The following VWC2 variants were observed in gnomAD, a reference collection of about 807,000 sequenced individuals.
VWC2 encodes the protein brorin.
Under a neutral mutation model 29.8 loss-of-function variants are expected in VWC2, and 14 were observed. That is an observed-to-expected ratio of 0.47 (90% CI 0.31 to 0.74). The LOEUF (loss-of-function observed/expected upper bound fraction) is 0.74. Ranked by LOEUF, VWC2 falls within the 30% of genes least tolerant of loss-of-function variation. VWC2 has a pLI of 0.05. For synonymous variants in VWC2, 213 were observed against 199.0 expected, an observed-to-expected ratio of 1.07 and a Z score of -0.59; for missense variants, 457 against 459.8, an observed-to-expected ratio of 0.99 and a Z score of 0.05.
At chr7:49,846,764 C>T (rs929235156) in intron 3 of VWC2, among the ~76,000 whole-genome samples, 1 of 152,172 alleles carries the variant, frequency 6.6e-6, no homozygotes, top group African/African-American at 2.4e-5. Flanking sequence ...TCATAATTTC[C>T]TGATATAGGA....
At chr7:49,798,335 T>A (rs1788645973) in intron 2 of VWC2, among the ~76,000 whole-genome samples, 1 of 152,214 alleles carries the variant, frequency 6.6e-6, no homozygotes, top group Admixed American at 6.5e-5. Context: ...GGGATCCAGC[T>A]ATGGGTTGGT....
intron 3 of VWC2, among the ~76,000 whole-genome samples, chr7:49,845,394 A>G (rs916734041): frequency 2.0e-5 from 3 of 152,240 alleles, no homozygotes; most frequent in African/African-American, 7.2e-5. Flanking sequence ...TTTCACACAC[A>G]ATCTATAATT....
At chr7:49,839,696 T>C (rs1405624958) in intron 3 of VWC2, among the ~76,000 whole-genome samples, 2 of 152,104 alleles carry the variant, frequency 1.3e-5, no homozygotes, top group African/African-American at 4.8e-5. Flanking sequence ...GTATGTTGGA[T>C]CCATGCAAGT....
At chr7:49,797,236 G>A (rs1264400293) in intron 2 of VWC2, among the ~76,000 whole-genome samples, 1 of 152,156 alleles carries the variant, frequency 6.6e-6, no homozygotes, top group South Asian at 2.1e-4. Flanking sequence ...CTATGCTGAT[G>A]TTCCTTAGCT....
intron 2 of VWC2, among the ~76,000 whole-genome samples, chr7:49,778,486 A>T (rs1223132069): frequency 6.6e-6 from 1 of 152,230 alleles, no homozygotes; most frequent in African/African-American, 2.4e-5. Context: ...AACTACATAA[A>T]GATTTTATAG....
intron 3 of VWC2, among the ~76,000 whole-genome samples, chr7:49,892,194 AC>A (rs1164375639): frequency 1.3e-5 from 2 of 150,834 alleles, no homozygotes; most frequent in Non-Finnish European, 3.0e-5. Flanking sequence ...ACAGGCGCCC[AC>A]CATCACGCCC....
At chr7:49,869,072 G>A (rs1190805135) in intron 3 of VWC2, among the ~76,000 whole-genome samples, 1 of 151,924 alleles carries the variant, frequency 6.6e-6, no homozygotes, top group Non-Finnish European at 1.5e-5. Context: ...TTTGAAACCC[G>A]TACAAGTGAG....
At chr7:49,775,132 C>T (rs1307196638) in intron 1 of VWC2, among the ~76,000 whole-genome samples, 1 of 152,172 alleles carries the variant, frequency 6.6e-6, no homozygotes, top group Non-Finnish European at 1.5e-5. Context: ...CGGTGTCGTT[C>T]TTGGATTTCG....
chr7:49,871,954 CACA>C (rs1791174796), intron 3 of VWC2, among the ~76,000 whole-genome samples: 4 of 65,888 alleles, frequency 6.1e-5, no homozygotes, highest in South Asian at 5.1e-4. Flanking sequence ...CACACACACA[CACA>C]CCGAGAAAGA....
chr7:49,857,455 A>G (rs1790473147), intron 3 of VWC2, among the ~76,000 whole-genome samples: 2 of 152,154 alleles, frequency 1.3e-5, no homozygotes, highest in Non-Finnish European at 2.9e-5. Flanking sequence ...AGTTGTTTCC[A>G]TATCTTAGGT....
At chr7:49,855,762 C>T (rs1790392989) in intron 3 of VWC2, among the ~76,000 whole-genome samples, 1 of 152,130 alleles carries the variant, frequency 6.6e-6, no homozygotes, top group Admixed American at 6.5e-5. Flanking sequence ...TCCCTGCCTC[C>T]CCAGAAGCCA....
At chr7:49,821,704 A>G (rs1489390807) in intron 3 of VWC2, among the ~76,000 whole-genome samples, 1 of 152,152 alleles carries the variant, frequency 6.6e-6, no homozygotes, top group Non-Finnish European at 1.5e-5. Context: ...CTGTGAGTTA[A>G]AACATCTAAT....
At chr7:49,902,528 C>T (rs1173834328) in intron 3 of VWC2, among the ~76,000 whole-genome samples, 1 of 141,458 alleles carries the variant, frequency 7.1e-6, no homozygotes, top group African/African-American at 2.6e-5. Context: ...TAACAAATGA[C>T]ACTGTAACAA....
intron 2 of VWC2, among the ~76,000 whole-genome samples, chr7:49,793,984 C>T (rs554012058): frequency 3.3e-5 from 5 of 152,146 alleles, no homozygotes; most frequent in Admixed American, 6.5e-5. Context: ...GGCACAAATG[C>T]GCTCATTCTG....
intron 3 of VWC2, among the ~76,000 whole-genome samples, chr7:49,903,955 T>C (rs1439367282): frequency 1.3e-5 from 2 of 152,142 alleles, no homozygotes; most frequent in Non-Finnish European, 1.5e-5. Flanking sequence ...GCTCACAGAT[T>C]GGTTGGATCA....
At chr7:49,799,039 G>C (rs1310225829) in intron 2 of VWC2, among the ~76,000 whole-genome samples, 1 of 152,196 alleles carries the variant, frequency 6.6e-6, no homozygotes, top group African/African-American at 2.4e-5. Context: ...ACCAAACGAG[G>C]AGCATGGCGG....
At chr7:49,853,599 A>G (rs1453251212) in intron 3 of VWC2, among the ~76,000 whole-genome samples, 1 of 152,166 alleles carries the variant, frequency 6.6e-6, no homozygotes, top group East Asian at 1.9e-4. Flanking sequence ...GAATTTACAT[A>G]AAGTATGTTT....
intron 2 of VWC2, among the ~76,000 whole-genome samples, chr7:49,782,209 T>C (rs1788193016): frequency 6.6e-6 from 1 of 152,206 alleles, no homozygotes; most frequent in South Asian, 2.1e-4. Context: ...GGCATTTGTT[T>C]TCCAGCTGAC....
chr7:49,779,573 G>C (rs1788130211), intron 2 of VWC2, among the ~76,000 whole-genome samples: 1 of 143,100 alleles, frequency 7.0e-6, no homozygotes, highest in African/African-American at 2.7e-5. Context: ...AAGGAAACTT[G>C]TCTATTGGCT....
Sources: gnomAD v4.1 joint callset for allele counts (sites outside exome capture counted in the v4.1 genomes callset) on GRCh38, gnomAD v4.1.1 for gene constraint, MANE v1.5 for transcripts, NCBI Gene and HGNC (gene_info 2026-07-23, HGNC 2026-07-21) for gene names.